Variants in PLEKHG3 observed in about 807,000 individuals in gnomAD.
PLEKHG3 encodes the protein pleckstrin homology domain-containing family G member 3.
In PLEKHG3, 62 loss-of-function variants were observed where a neutral mutation model predicts 94.9. The ratio of observed to expected loss-of-function variants is 0.65; its 90% CI spans 0.53 to 0.81. The LOEUF (loss-of-function observed/expected upper bound fraction) is 0.81. Among genes scored for constraint, PLEKHG3 ranks in the 30% least tolerant of loss-of-function variants. The probability of loss-of-function intolerance (pLI) is 0.00; values close to 1 mark genes in which losing one functional copy is unlikely to be tolerated. For missense variants in PLEKHG3, 1,461 were observed against 1,619.3 expected (o/e 0.90, Z 1.68); for synonymous variants, 614 against 654.0 (o/e 0.94, Z 0.93).
rs1389478685 is a variant in PLEKHG3 at position 64,749,415 on chromosome 14, ATGC to A, written c.*5714_*5716del. 2 of 1,606,856 alleles carry A rather than the reference ATGC, an allele frequency of 1.2e-6. No homozygotes were observed. The highest frequency in any genetic ancestry group is 2.7e-5 in the African/African-American group (2 of 74,888). On this transcript the variant is annotated 3_prime_UTR_variant, in exon 17 of 17. Coordinates refer to ENST00000247226, the MANE Select transcript of PLEKHG3 (RefSeq NM_001308147.2). The surrounding 1 kb of genome is among the most constrained non-coding windows in gnomAD (Gnocchi z 4.7). ...GGGCAGGCTCTGCGCCTTGACGCGG[ATGC>A]TCTGGGACTCGTTGATGGCGGTGCT...
chr14:64,709,237 A>T (rs1230971233), intron 1 of PLEKHG3, among the ~76,000 whole-genome samples: 1 of 152,118 alleles, frequency 6.6e-6, no homozygotes, highest in Non-Finnish European at 1.5e-5. Flanking sequence ...CCACCCTTAG[A>T]GTAATCTGGG....
rs2081480690 is a variant in PLEKHG3, at chr14:64,732,163, T to A, written c.1194T>A (p.His398Gln). The A allele has an allele frequency of 6.2e-7, 1 of 1,613,766 alleles. No homozygotes were observed. Among genetic ancestry groups the A allele is most frequent in the Non-Finnish European group, 8.5e-7 (1 of 1,179,716 alleles). The change falls in exon 10 of 17, where the codon CAT (histidine) becomes CAA (glutamine). Residue 398 changes from histidine (H) to glutamine (Q), a missense_variant. By Grantham distance (24) the His-to-Gln change is conservative (BLOSUM62 0). Coordinates refer to ENST00000247226, the MANE Select transcript of PLEKHG3 (RefSeq NM_001308147.2). This position sits in a 1 kb window ranked among gnomAD's most constrained non-coding sequence, Gnocchi z 4.9. Reference protein sequence around the residue: ...HIKRLILENHHATIPQKAKEA... With the variant: ...HIKRLILENHQATIPQKAKEA... ...AGAGGCTCATCCTAGAGAACCACCA[T>A]GCCACCATTCCCCAGAAGGTGAGTT...
rs544396159 is a variant in PLEKHG3, at chr14:64,743,236, C to T, written c.3193C>T (p.Arg1065Ter). Residue 1065 changes from arginine to a stop codon, truncating the protein, a stop_gained, in exon 17 of 17, where the codon CGA becomes TGA. Transcript: ENST00000247226. LOFTEE classifies it low-confidence loss of function (END_TRUNC). The surrounding 1 kb of genome is among the most constrained non-coding windows in gnomAD (Gnocchi z 7.2). ...GTATGCCTCCCGCGATGAGGCACGCCGAGCAGGGGGCGGCCGGCCCCGCGG... is the reference window on the plus strand; with the variant it reads ...GTATGCCTCCCGCGATGAGGCACGCTGAGCAGGGGGCGGCCGGCCCCGCGG... ...SKYASRDEAR[R>*]AGGGRPRGPP... is the part of the protein sequence containing the mutation. The T allele has an allele frequency of 3.4e-5, 54 of 1,607,824 alleles. No individual in the cohort carries two copies. The highest frequency in any genetic ancestry group is 8.4e-5 in the Admixed American group (5 of 59,796).
At position 64,750,225 on chromosome 14, in the gene PLEKHG3, C is replaced by T. The variant is rs978407845; in HGVS notation, c.*6522C>T. The T allele has an allele frequency of 5.4e-6, 8 of 1,492,706 alleles. No homozygotes were observed. Among genetic ancestry groups the T allele is most frequent in the Non-Finnish European group, 7.2e-6 (8 of 1,105,138 alleles). 92.5% of individuals were successfully genotyped at this position (1,492,706 alleles called of 1,614,324 possible). ...TCTCTAGAGTCAATTCCTATAGCTT[C>T]ACCATTAAAAAAAATTACACCATGT... On this transcript the variant is annotated 3_prime_UTR_variant, in exon 17 of 17. Coordinates refer to ENST00000247226, the MANE Select transcript of PLEKHG3 (RefSeq NM_001308147.2).
Position 64,749,863 on chromosome 14 carries a change from A to G in PLEKHG3, c.*6160A>G. The G allele has an allele frequency of 6.6e-7, 1 of 1,524,616 alleles. No individual in the cohort carries two copies. Among genetic ancestry groups the G allele is most frequent in the Non-Finnish European group, 9.1e-7 (1 of 1,103,896 alleles). 94.4% of individuals were successfully genotyped at this position (1,524,616 alleles called of 1,614,324 possible). ...CTGGACCATCAGCCTCTTTGATTTG[A>G]AAAACCCCTGAGGAGCAGCTCAGGC... On this transcript the variant is annotated 3_prime_UTR_variant, in exon 17 of 17. Coordinates refer to ENST00000247226, the MANE Select transcript of PLEKHG3 (RefSeq NM_001308147.2). This position sits in a 1 kb window ranked among gnomAD's most constrained non-coding sequence, Gnocchi z 4.7.
chr14:64,732,577 C>T lies in PLEKHG3; in HGVS notation c.1246+117C>T. ...TTCCAGGAGCAGGGAGGGCGGGGGT[C>T]TCCTGTTAAGGGCTGGGGGGTGAAC... On this transcript the variant is annotated intron_variant, in intron 11 of 16. Coordinates refer to ENST00000247226, the MANE Select transcript of PLEKHG3 (RefSeq NM_001308147.2). The surrounding 1 kb of genome is among the most constrained non-coding windows in gnomAD (Gnocchi z 4.9). 1.1e-6 allele frequency: 1 copy of T among 942,202 alleles called. No individual in the cohort carries two copies. 58.4% of individuals were successfully genotyped at this position (942,202 alleles called of 1,614,324 possible). A position where few individuals can be genotyped will look rare whatever the true frequency, so the allele number is the denominator to read the frequency against.
rs760316022 is a variant in PLEKHG3 at position 64,731,025 on chromosome 14, A to G, written c.718-13A>G. The G allele has an allele frequency of 1.3e-5, 21 of 1,613,944 alleles. No individual in the cohort carries two copies. In the Admixed American group the frequency reaches 2.0e-4, roughly 15 times the overall value. On this transcript the variant is annotated splice_polypyrimidine_tract_variant and intron_variant, in intron 6 of 16. Transcript: ENST00000247226. The surrounding 1 kb of genome is among the most constrained non-coding windows in gnomAD (Gnocchi z 6.1). ...TCGGGTCAGGGGCACCTAAGCGTCT[A>G]TCTTCTGCGCAGGAAATTGCCAAGC...
chr14:64,734,338 C>A (rs1014885072), intron 12 of PLEKHG3, among the ~76,000 whole-genome samples: 1 of 152,048 alleles, frequency 6.6e-6, no homozygotes, highest in Non-Finnish European at 1.5e-5. Context: ...CTCAACTTGC[C>A]ATACCTTAAA....
rs1228541425 is a variant in PLEKHG3 at position 64,727,313 on chromosome 14, G to A, written c.-39-280G>A. 6.6e-6 allele frequency among the ~76,000 whole-genome samples: 1 copy of A among 152,124 alleles called. No individual in the cohort carries two copies. Among genetic ancestry groups the A allele is most frequent in the Non-Finnish European group, 1.5e-5 (1 of 68,012 alleles). ...AGAACAGGGCCCTTCTTGGGATTCA[G>A]TTTTGTTTTGTTAATTGTGTTAAAT... On this transcript the variant is annotated intron_variant, in intron 1 of 16. Coordinates refer to ENST00000247226, the MANE Select transcript of PLEKHG3 (RefSeq NM_001308147.2). This position sits in a 1 kb window ranked among gnomAD's most constrained non-coding sequence, Gnocchi z 6.0.
At position 64,728,096 on chromosome 14, in the gene PLEKHG3, C is replaced by A; in HGVS notation, c.351+114C>A. Reference sequence around the variant, plus strand: ...AAGTAGTTGGAGAACTGGGGTCTCCCACCCTCGCTGACTGCACTGTGAAAG... The same window carrying A: ...AAGTAGTTGGAGAACTGGGGTCTCCAACCCTCGCTGACTGCACTGTGAAAG... On this transcript the variant is annotated intron_variant, in intron 2 of 16. Transcript: ENST00000247226. The surrounding 1 kb of genome is among the most constrained non-coding windows in gnomAD (Gnocchi z 5.9). The A allele has an allele frequency of 8.8e-6, 6 of 681,202 alleles. No individual in the cohort carries two copies. The highest frequency in any genetic ancestry group is 1.4e-5 in the Non-Finnish European group (6 of 415,254). 42.2% of individuals were successfully genotyped at this position (681,202 alleles called of 1,614,324 possible). A position where few individuals can be genotyped will look rare whatever the true frequency, so the allele number is the denominator to read the frequency against.
At position 64,746,104 on chromosome 14, in the gene PLEKHG3, G is replaced by A. The variant is rs2081831202; in HGVS notation, c.*2401G>A. The A allele has an allele frequency of 6.6e-6, 1 of 152,182 alleles. No homozygotes were observed. 9.4% of individuals were successfully genotyped at this position (152,182 alleles called of 1,614,324 possible). On this transcript the variant is annotated 3_prime_UTR_variant, in exon 17 of 17. Transcript: ENST00000247226. This position sits in a 1 kb window ranked among gnomAD's most constrained non-coding sequence, Gnocchi z 4.9. ...CTTCAAGTTGATCAAATGCATGAAT[G>A]AGCAAGCTTTTCTTGGAGTTTGTGA... is the stretch of plus-strand genomic sequence containing the variant.
rs781770174 is a variant in PLEKHG3, at chr14:64,749,626, A to G, written c.*5923A>G. The G allele has an allele frequency of 6.2e-7, 1 of 1,612,942 alleles. No homozygotes were observed. Among genetic ancestry groups the G allele is most frequent in the African/African-American group, 1.3e-5 (1 of 74,848 alleles). On this transcript the variant is annotated 3_prime_UTR_variant, in exon 17 of 17. Coordinates refer to ENST00000247226, the MANE Select transcript of PLEKHG3 (RefSeq NM_001308147.2). The surrounding 1 kb of genome is among the most constrained non-coding windows in gnomAD (Gnocchi z 4.7). ...TCCTCCACCTACCCCCTTCTTAGCC[A>G]GGTCTGGGCTAGGCTGCCCGCGCTT...
chr14:64,734,800 A>G (rs1380936071), intron 12 of PLEKHG3, among the ~76,000 whole-genome samples: 3 of 145,826 alleles, frequency 2.1e-5, no homozygotes, highest in Non-Finnish European at 4.5e-5. Context: ...TACTCACTGC[A>G]ACCTCTGCCT....
rs1334583169 is a variant in PLEKHG3 at position 64,730,571 on chromosome 14, C to G, written c.520-71C>G. On this transcript the variant is annotated intron_variant, in intron 4 of 16. Coordinates refer to ENST00000247226, the MANE Select transcript of PLEKHG3 (RefSeq NM_001308147.2). The surrounding 1 kb of genome is among the most constrained non-coding windows in gnomAD (Gnocchi z 5.4). ...AGAGGGTGCTCTGGGGGCCAGGGGC[C>G]TATCTGCTACCACCATCTTTACTGT... 1 of 1,305,750 alleles carries G rather than the reference C, an allele frequency of 7.7e-7. No homozygotes were observed. The highest frequency in any genetic ancestry group is 1.1e-6 in the Non-Finnish European group (1 of 903,052). The allele number at this position is 1,305,750 out of a possible 1,614,324, so 80.9% of individuals were successfully genotyped here.
chr14:64,719,068 C>G (rs972849109), intron 1 of PLEKHG3, among the ~76,000 whole-genome samples: 1 of 152,170 alleles, frequency 6.6e-6, no homozygotes, highest in African/African-American at 2.4e-5. Flanking sequence ...GCTTGACCTC[C>G]TGTTGGGTAT....
Position 64,749,049 on chromosome 14 carries a change from G to A in PLEKHG3, c.*5346G>A, listed in dbSNP as rs149576500. ...AGAACCGTTTCCTGCCCCCAGGCCT[G>A]GAGGCCCCAAAGGCGCCAGAGGAGC... is the stretch of plus-strand genomic sequence containing the variant. On this transcript the variant is annotated 3_prime_UTR_variant, in exon 17 of 17. Coordinates refer to ENST00000247226, the MANE Select transcript of PLEKHG3 (RefSeq NM_001308147.2). This position sits in a 1 kb window ranked among gnomAD's most constrained non-coding sequence, Gnocchi z 4.7. The A allele has an allele frequency of 4.8e-6, 2 of 415,128 alleles. No homozygotes were observed. Among genetic ancestry groups the A allele is most frequent in the African/African-American group, 2.2e-5 (1 of 45,630 alleles). 25.7% of individuals were successfully genotyped at this position (415,128 alleles called of 1,614,324 possible). A position where few individuals can be genotyped will look rare whatever the true frequency, so the allele number is the denominator to read the frequency against.
Position 64,750,221 on chromosome 14 carries a change from G to C in PLEKHG3, c.*6518G>C, listed in dbSNP as rs535703867. 1.3e-6 allele frequency: 2 copies of C among 1,511,048 alleles called. No homozygotes were observed. The highest frequency in any genetic ancestry group is 1.3e-5 in the South Asian group (1 of 79,482). 93.6% of individuals were successfully genotyped at this position (1,511,048 alleles called of 1,614,324 possible). On this transcript the variant is annotated 3_prime_UTR_variant, in exon 17 of 17. Coordinates refer to ENST00000247226, the MANE Select transcript of PLEKHG3 (RefSeq NM_001308147.2). Reference sequence around the variant, plus strand: ...GGTATCTCTAGAGTCAATTCCTATAGCTTCACCATTAAAAAAAATTACACC... The same window carrying C: ...GGTATCTCTAGAGTCAATTCCTATACCTTCACCATTAAAAAAAATTACACC...
rs1295202479 is a variant in PLEKHG3, at chr14:64,720,885, C to T, written c.-39-6708C>T. Among the ~76,000 whole-genome samples, 2 of 152,218 alleles carry T rather than the reference C, an allele frequency of 1.3e-5. No individual in the cohort carries two copies. Among genetic ancestry groups the T allele is most frequent in the African/African-American group, 4.8e-5 (2 of 41,452 alleles). ...TGGCCCCTTCCTCCATCTTCAAAGC[C>T]AGCAGTGTAGCATCTTCCAGTTCCC... On this transcript the variant is annotated intron_variant, in intron 1 of 16. Transcript: ENST00000247226. This position sits in a 1 kb window ranked among gnomAD's most constrained non-coding sequence, Gnocchi z 4.1.
chr14:64,738,989 C>T lies in PLEKHG3; in HGVS notation c.1518+134C>T. On this transcript the variant is annotated intron_variant, in intron 15 of 16. Transcript: ENST00000247226. This position sits in a 1 kb window ranked among gnomAD's most constrained non-coding sequence, Gnocchi z 4.8. ...AACAGAGATTCCCCACCTCCCAGGACTCTCAGCCCTGCATGAAGCCTGTTT... is the reference window on the plus strand; with the variant it reads ...AACAGAGATTCCCCACCTCCCAGGATTCTCAGCCCTGCATGAAGCCTGTTT... The T allele has an allele frequency of 1.5e-6, 1 of 652,858 alleles. No homozygotes were observed. Among genetic ancestry groups the T allele is most frequent in the Non-Finnish European group, 2.8e-6 (1 of 359,032 alleles). The allele number at this position is 652,858 out of a possible 1,614,324, so 40.4% of individuals were successfully genotyped here.
Sources: allele counts gnomAD v4.1 joint callset (sites outside exome capture counted in the v4.1 genomes callset), GRCh38; gene constraint gnomAD v4.1.1; non-coding constraint Gnocchi (gnomAD v3.1); transcripts MANE v1.5; gene names NCBI Gene and HGNC (gene_info 2026-07-23, HGNC 2026-07-21).